The following NAV3 variants were observed in gnomAD, a reference collection of about 807,000 sequenced individuals.
NAV3 encodes neuron navigator 3, also known as pore membrane and/or filament interacting like protein 1.
A neutral mutation model predicts 244.7 loss-of-function variants in NAV3; 87 were observed. That is an observed-to-expected ratio of 0.36 (90% CI 0.30 to 0.42). The LOEUF is 0.42. NAV3 is among the 20% of genes least tolerant of loss of function. The probability of loss-of-function intolerance (pLI) is 1.00; values close to 1 mark genes in which losing one functional copy is unlikely to be tolerated. For missense variants in NAV3, 2,663 were observed against 2,893.3 expected (o/e 0.92, Z 1.83); for synonymous variants, 1,126 against 1,042.2 (o/e 1.08, Z -1.55).
At chr12:77,694,553 C>G (rs1716244) in intron 2 of NAV3, among the ~76,000 whole-genome samples, 123,782 of 151,966 alleles carry the variant, frequency 0.81, 52,951 homozygotes, top group East Asian at 1. Context: ...CAACCAAGTT[C>G]AGTGTCCAGA....
At chr12:77,639,833 T>G (rs1872326148) in intron 2 of NAV3, among the ~76,000 whole-genome samples, 1 of 152,180 alleles carries the variant, frequency 6.6e-6, no homozygotes, top group East Asian at 1.9e-4. Flanking sequence ...ATGTGGCACA[T>G]GCACAGTTGC....
chr12:77,577,082 A>G (rs1482589255), intron 2 of NAV3, among the ~76,000 whole-genome samples: 3 of 152,292 alleles, frequency 2.0e-5, no homozygotes, highest in Admixed American at 6.5e-5. Flanking sequence ...TAATGTTACT[A>G]TATAAATCTG....
At chr12:77,925,361 A>T (rs1211905180) in intron 1 of NAV3, among the ~76,000 whole-genome samples, 1 of 152,166 alleles carries the variant, frequency 6.6e-6, no homozygotes, top group Non-Finnish European at 1.5e-5. Context: ...TTGTATATAA[A>T]CCGTATAAGT....
chr12:78,206,241 C>T (rs1160570108), intron 39 of NAV3, among the ~76,000 whole-genome samples: 1 of 151,988 alleles, frequency 6.6e-6, no homozygotes, highest in Non-Finnish European at 1.5e-5. Context: ...CCTTAAGAGC[C>T]CAGACTTATA....
At chr12:77,890,281 A>AT (rs755705621) in intron 1 of NAV3, among the ~76,000 whole-genome samples, 77 of 151,644 alleles carry the variant, frequency 5.1e-4, no homozygotes, top group Admixed American at 1.5e-3. Context: ...ATTTTTATTT[A>AT]TTTTTTGTAT....
chr12:77,818,281 A>G (rs898876583), intron 2 of NAV3, among the ~76,000 whole-genome samples: 9 of 152,274 alleles, frequency 5.9e-5, no homozygotes, highest in African/African-American at 1.9e-4. Flanking sequence ...GTGCAAATAT[A>G]CCATTATTAT....
At position 78,006,586 on chromosome 12, in the gene NAV3, G is replaced by A. The variant is rs180712957; in HGVS notation, c.1048G>A (p.Val350Ile). Residue 350 changes from valine (V) to isoleucine (I), a missense_variant, in exon 8 of 40, where the codon GTA becomes ATA. Around this residue, in one of 6 missense-constraint regions of NAV3, gnomAD observed 1,521 missense variants for 1,497.0 expected, o/e 1.02. Transcript: ENST00000397909. The part of the protein sequence containing the change: ...KHSATSTMLT[V>I]KQSSTATSPT... ...CAGTGCCACCTCCACCATGTTGACTGTAAAGCAGTCAAGTACAGCCACCTC... is the reference window on the plus strand; with the variant it reads ...CAGTGCCACCTCCACCATGTTGACTATAAAGCAGTCAAGTACAGCCACCTC... The A allele has an allele frequency of 5.0e-6, 8 of 1,614,092 alleles. No homozygotes were observed. In the Admixed American group the frequency reaches 1.3e-4, roughly 27 times the overall value.
At chr12:78,206,166 G>A (rs1034756527) in intron 39 of NAV3, among the ~76,000 whole-genome samples, 50 of 152,058 alleles carry the variant, frequency 3.3e-4, no homozygotes, top group Non-Finnish European at 5.6e-4. Context: ...AATCACTGAA[G>A]TATATATATA....
intron 1 of NAV3, among the ~76,000 whole-genome samples, chr12:77,836,445 A>G (rs988303829): frequency 6.6e-5 from 10 of 152,120 alleles, no homozygotes; most frequent in Non-Finnish European, 1.5e-4. Flanking sequence ...TTACATTATT[A>G]TGGAAAGCAA....
intron 1 of NAV3, among the ~76,000 whole-genome samples, chr12:77,907,910 A>G (rs1181169454): frequency 1.3e-5 from 2 of 152,108 alleles, no homozygotes; most frequent in African/African-American, 4.8e-5. Flanking sequence ...ACTTGTAAGG[A>G]TGTGTGGATG....
intron 21 of NAV3, among the ~76,000 whole-genome samples, chr12:78,147,841 A>G (rs1956925274): frequency 6.6e-6 from 1 of 152,096 alleles, no homozygotes. Flanking sequence ...AACTATAGAT[A>G]AGATTTGTTT....
chr12:77,614,931 G>A (rs949769793), intron 2 of NAV3, among the ~76,000 whole-genome samples: 1 of 152,168 alleles, frequency 6.6e-6, no homozygotes, highest in Non-Finnish European at 1.5e-5. Flanking sequence ...GAATGGAGAG[G>A]TGGTAGCAAC....
intron 2 of NAV3, among the ~76,000 whole-genome samples, chr12:77,708,707 C>T (rs1875956287): frequency 1.3e-5 from 2 of 152,156 alleles, no homozygotes; most frequent in African/African-American, 4.8e-5. Flanking sequence ...GAATGTTCTT[C>T]CATTTGTTTG....
intron 8 of NAV3, among the ~76,000 whole-genome samples, chr12:78,018,453 C>T (rs1007199546): frequency 4.6e-5 from 7 of 152,154 alleles, no homozygotes; most frequent in South Asian, 4.1e-4. Context: ...GGCTAAAATA[C>T]ATTCCAAGTT....
At chr12:77,892,491 C>A (rs1248226035) in intron 1 of NAV3, among the ~76,000 whole-genome samples, 1 of 151,914 alleles carries the variant, frequency 6.6e-6, no homozygotes, top group Non-Finnish European at 1.5e-5. Context: ...TCTCAGCTCA[C>A]TGCAGTCTCC....
chr12:77,772,787 C>T (rs545137304), intron 2 of NAV3, among the ~76,000 whole-genome samples: 24 of 152,154 alleles, frequency 1.6e-4, no homozygotes, highest in Non-Finnish European at 2.8e-4. Flanking sequence ...TTAGAATGAC[C>T]GTCAATGGCC....
intron 39 of NAV3, among the ~76,000 whole-genome samples, chr12:78,208,136 C>T (rs1425644479): frequency 6.6e-6 from 1 of 152,110 alleles, no homozygotes; most frequent in African/African-American, 2.4e-5. Context: ...TGGTGAGAGC[C>T]TCATGCTGCA....
chr12:77,638,376 A>T (rs1248909656), intron 2 of NAV3, among the ~76,000 whole-genome samples: 3 of 152,210 alleles, frequency 2.0e-5, no homozygotes, highest in Non-Finnish European at 4.4e-5. Context: ...GTTGAAGACT[A>T]GAAATTCATG....
chr12:77,942,369 T>C (rs1889959115), intron 3 of NAV3, among the ~76,000 whole-genome samples: 1 of 151,294 alleles, frequency 6.6e-6, no homozygotes, highest in African/African-American at 2.4e-5. Flanking sequence ...CAAAACTCTG[T>C]CTCGAAAAAA....
Sources: gnomAD v4.1 joint callset for allele counts (sites outside exome capture counted in the v4.1 genomes callset) on GRCh38, gnomAD v4.1.1 for gene constraint, gnomAD v4.1.1 regional missense constraint, MANE v1.5 for transcripts, NCBI Gene and HGNC (gene_info 2026-07-23, HGNC 2026-07-21) for gene names.